Variants in THSD7B observed in about 807,000 individuals in gnomAD.
THSD7B encodes thrombospondin type 1 domain containing 7B.
THSD7B carries 138 observed loss-of-function variants against 213.6 expected under a neutral mutation model. That is an observed-to-expected ratio of 0.65 (90% CI 0.56 to 0.74). THSD7B has a LOEUF of 0.74. Ranked by LOEUF, THSD7B falls within the 30% of genes least tolerant of loss-of-function variation. THSD7B has a pLI of 0.00. For synonymous variants in THSD7B, 742 were observed against 687.0 expected, an observed-to-expected ratio of 1.08 and a Z score of -1.25; for missense variants, 1,931 against 1,991.5, an observed-to-expected ratio of 0.97 and a Z score of 0.58.
chr2:136,962,403 CTTTTTTTT>C (rs71400559), intron 2 of THSD7B, among the ~76,000 whole-genome samples: 14 of 100,170 alleles, frequency 1.4e-4, no homozygotes, highest in East Asian at 6.0e-4. Context: ...AATCTGTTAT[CTTTTTTTT>C]TTTTTTTTTT....
At chr2:136,966,512 C>T (rs1180379750) in intron 2 of THSD7B, among the ~76,000 whole-genome samples, 1 of 152,172 alleles carries the variant, frequency 6.6e-6, no homozygotes, top group Non-Finnish European at 1.5e-5. Flanking sequence ...CCGCTGTGTC[C>T]AGCCAACAAC....
chr2:136,934,719 C>T (rs1005075030), intron 2 of THSD7B, among the ~76,000 whole-genome samples: 3 of 152,054 alleles, frequency 2.0e-5, no homozygotes, highest in Non-Finnish European at 4.4e-5. Flanking sequence ...AATTATTGGC[C>T]ATTGTCAACT....
At chr2:137,231,965 TG>T (rs1343362883) in intron 8 of THSD7B, among the ~76,000 whole-genome samples, 1 of 152,190 alleles carries the variant, frequency 6.6e-6, no homozygotes, top group Non-Finnish European at 1.5e-5. Flanking sequence ...AGTAAGTTTC[TG>T]TTCTTTGATC....
intron 2 of THSD7B, among the ~76,000 whole-genome samples, chr2:137,042,829 G>A (rs1686906644): frequency 6.6e-6 from 1 of 152,182 alleles, no homozygotes; most frequent in Non-Finnish European, 1.5e-5. Context: ...TTTTCATTAT[G>A]TAATTGTAAA....
chr2:136,988,063 G>T (rs796923012), intron 2 of THSD7B, among the ~76,000 whole-genome samples: 11 of 152,184 alleles, frequency 7.2e-5, no homozygotes, highest in African/African-American at 2.4e-4. Flanking sequence ...TTTAGTAAAT[G>T]CACTGAGTTG....
At chr2:137,454,790 T>C (rs1687731317) in intron 15 of THSD7B, among the ~76,000 whole-genome samples, 1 of 152,188 alleles carries the variant, frequency 6.6e-6, no homozygotes, top group Non-Finnish European at 1.5e-5. Flanking sequence ...TCAATTTTAC[T>C]GCTAGCTTTA....
At chr2:136,777,225 G>A (rs1009163222) in intron 1 of THSD7B, among the ~76,000 whole-genome samples, 2 of 152,100 alleles carry the variant, frequency 1.3e-5, no homozygotes, top group African/African-American at 4.8e-5. Flanking sequence ...GGTGGGTGAT[G>A]TAGTGAAATT....
Position 137,563,411 on chromosome 2 carries a change from T to A in THSD7B, c.3272+57T>A. On this transcript the variant is annotated intron_variant, in intron 16 of 27. Transcript: ENST00000409968. ...GGGGAAGTGGAACTTATACATTTTT[T>A]ATAAAAACAACAGTGATGTTTATCC... 2.5e-6 allele frequency: 4 copies of A among 1,592,938 alleles called. 1 individual carries two copies. In the South Asian group the frequency reaches 4.5e-5, roughly 18 times the overall value.
chr2:137,466,986 C>A (rs1321257520), intron 15 of THSD7B, among the ~76,000 whole-genome samples: 3 of 152,068 alleles, frequency 2.0e-5, no homozygotes, highest in African/African-American at 7.2e-5. Flanking sequence ...GAGAGTGTTG[C>A]TGTTCTGGGA....
chr2:137,238,167 G>T (rs898870051), intron 9 of THSD7B, among the ~76,000 whole-genome samples: 1 of 152,148 alleles, frequency 6.6e-6, no homozygotes, highest in Non-Finnish European at 1.5e-5. Flanking sequence ...AATTGAAGGG[G>T]ATAAAGTTCC....
intron 21 of THSD7B, among the ~76,000 whole-genome samples, chr2:137,654,242 T>C (rs567011872): frequency 1.4e-4 from 21 of 152,318 alleles, no homozygotes; most frequent in Non-Finnish European, 2.4e-4. Context: ...GATATCCCAA[T>C]AGTGTGAGAA....
chr2:137,671,901 C>CCAA (rs1683586313), intron 27 of THSD7B, among the ~76,000 whole-genome samples: 1 of 152,094 alleles, frequency 6.6e-6, no homozygotes, highest in African/African-American at 2.4e-5. Flanking sequence ...AACTCAAATA[C>CCAA]CAACATTTTC....
chr2:137,420,608 A>G (rs1686903245), intron 14 of THSD7B, among the ~76,000 whole-genome samples: 1 of 152,206 alleles, frequency 6.6e-6, no homozygotes, highest in Non-Finnish European at 1.5e-5. Context: ...TGGACCATGA[A>G]CACTTCATCA....
intron 15 of THSD7B, among the ~76,000 whole-genome samples, chr2:137,457,848 A>C (rs577505723): frequency 6.6e-6 from 1 of 152,320 alleles, no homozygotes. Context: ...AACAGATAAA[A>C]ATGCAAAAGA....
At chr2:137,674,117 C>T (rs1365281525) in intron 27 of THSD7B, among the ~76,000 whole-genome samples, 2 of 152,150 alleles carry the variant, frequency 1.3e-5, no homozygotes, top group African/African-American at 4.8e-5. Flanking sequence ...AGTATTGTCT[C>T]TTTATAGAGA....
chr2:137,202,964 A>ATG (rs1017436857), intron 7 of THSD7B, among the ~76,000 whole-genome samples: 29 of 152,144 alleles, frequency 1.9e-4, no homozygotes, highest in Non-Finnish European at 1.9e-4. Context: ...TAGGTGATAC[A>ATG]TGTGTAGATA....
In THSD7B at chr2:137,054,676, G is replaced by A. The variant is rs1395501628; in HGVS notation, c.140-1744G>A. ...ATTCAGGGAAAGAGAGAGAGCTTGTGTAAATTCATATGCCTCTTAGGGTCT... is the reference window on the plus strand; with the variant it reads ...ATTCAGGGAAAGAGAGAGAGCTTGTATAAATTCATATGCCTCTTAGGGTCT... On this transcript the variant is annotated intron_variant, in intron 2 of 27. Coordinates refer to ENST00000409968, the MANE Select transcript of THSD7B (RefSeq NM_001316349.2). 3.9e-5 allele frequency among the ~76,000 whole-genome samples: 6 copies of A among 152,236 alleles called. No individual in the cohort carries two copies. In the South Asian group the frequency reaches 1.0e-3, roughly 26 times the overall value.
intron 5 of THSD7B, among the ~76,000 whole-genome samples, chr2:137,122,381 G>GA (rs11461837): frequency 0.7 from 105,879 of 151,912 alleles, 38,137 homozygotes; most frequent in Non-Finnish European, 0.78. Context: ...TAGGTTTGGG[G>GA]TAAGAAAGCT....
chr2:137,651,483 T>TGTC (rs375731754), intron 21 of THSD7B, among the ~76,000 whole-genome samples: 184 of 152,174 alleles, frequency 1.2e-3, no homozygotes, highest in African/African-American at 4.2e-3. Context: ...GCTAAAAGTT[T>TGTC]GTCAGTTTTG....
Sources: gnomAD v4.1 joint callset for allele counts (sites outside exome capture counted in the v4.1 genomes callset) on GRCh38, gnomAD v4.1.1 for gene constraint, MANE v1.5 for transcripts, NCBI Gene and HGNC (gene_info 2026-07-23, HGNC 2026-07-21) for gene names.